Variants in PRPF40B observed in about 807,000 individuals in gnomAD.
PRPF40B encodes the protein pre-mRNA processing factor 40B.
PRPF40B carries 56 observed loss-of-function variants against 124.5 expected under a neutral mutation model. The ratio of observed to expected loss-of-function variants is 0.45; its 90% CI spans 0.36 to 0.56. The LOEUF (loss-of-function observed/expected upper bound fraction) is 0.56, where lower values mean the gene tolerates loss of function less well. Ranked by LOEUF, PRPF40B falls within the 20% of genes least tolerant of loss-of-function variation. PRPF40B has a pLI of 0.00. For synonymous variants in PRPF40B, 443 were observed against 426.4 expected (o/e 1.04, Z -0.48); for missense variants, 1,053 against 1,169.5 (o/e 0.90, Z 1.45).
rs777735176 is a variant in PRPF40B at position 49,636,741 on chromosome 12, C to T, written c.1452C>T (p.Ile484=). The T allele has an allele frequency of 1.2e-6, 2 of 1,614,088 alleles. No individual in the cohort carries two copies. Among genetic ancestry groups the T allele is most frequent in the Non-Finnish European group, 8.5e-7 (1 of 1,180,044 alleles). The change falls in exon 16 of 26, where the codon ATC becomes ATT. Residue 484 remains isoleucine (I), a synonymous_variant. Transcript: ENST00000548825. Reference sequence around the variant, plus strand: ...ACATGGACAAGGAAGATGCACTGATCTGTTTTGAGGAGCACATCCGAGCTT... The same window carrying T: ...ACATGGACAAGGAAGATGCACTGATTTGTTTTGAGGAGCACATCCGAGCTT... The part of the protein sequence containing the change: ...LQNMDKEDAL[I]CFEEHIRALE...
chr12:49,643,076 CT>C, intron 22 of PRPF40B, 60 bp downstream of exon 22: 1 of 1,593,002 alleles, frequency 6.3e-7, no homozygotes, highest in South Asian at 1.1e-5. Flanking sequence ...GAAATAAACA[CT>C]TTGTTTTCCC....
Position 49,623,590 on chromosome 12 carries a change from C to A in PRPF40B, c.-1C>A. 1 of 1,234,424 alleles carries A rather than the reference C, an allele frequency of 8.1e-7. No individual in the cohort carries two copies. The allele number at this position is 1,234,424 out of a possible 1,614,324, so 76.5% of individuals were successfully genotyped here. The stretch of plus-strand genomic sequence containing the variant: ...CGGCCCAGCTGCTCGGAGGCTCTGG[C>A]ATGGTAACATCCCCGCGCGGGGGTG... On this transcript the variant is annotated 5_prime_UTR_variant, in exon 1 of 26. Transcript: ENST00000548825.
Position 49,636,735 on chromosome 12 carries a change from A to G in PRPF40B, c.1446A>G (p.Ala482=), listed in dbSNP as rs758085600. ...HQLQNMDKED[A]LICFEEHIRA... ...CTTTAGACATGGACAAGGAAGATGCACTGATCTGTTTTGAGGAGCACATCC... is the reference window on the plus strand; with the variant it reads ...CTTTAGACATGGACAAGGAAGATGCGCTGATCTGTTTTGAGGAGCACATCC... Residue 482 remains alanine, a synonymous_variant, in exon 16 of 26, where the codon GCA becomes GCG. Transcript: ENST00000548825. 3.1e-6 allele frequency: 5 copies of G among 1,614,188 alleles called. No individual in the cohort carries two copies. Among genetic ancestry groups the G allele is most frequent in the South Asian group, 1.1e-5 (1 of 91,084 alleles).
At position 49,636,643 on chromosome 12, in the gene PRPF40B, A is replaced by C. The variant is rs573314221; in HGVS notation, c.1427-73A>C. 6 of 1,595,330 alleles carry C rather than the reference A, an allele frequency of 3.8e-6. No individual in the cohort carries two copies. In the African/African-American group the frequency reaches 6.7e-5, roughly 18 times the overall value. On this transcript the variant is annotated intron_variant, in intron 15 of 25. Coordinates refer to ENST00000548825, the MANE Select transcript of PRPF40B (RefSeq NM_001031698.3). ...GCACCTGTAGGACAGCATCGTTGAA[A>C]CATTAGGGGTGCTGGGGTCTGAGAG...
At chr12:49,641,734 T>C in intron 18 of PRPF40B, 174 bp from the exon 19 acceptor site, 1 of 600,266 alleles carries the variant, frequency 1.7e-6, no homozygotes, top group Non-Finnish European at 3.0e-6. Context: ...GCATGGGGGC[T>C]TAATTGTCAA....
intron 12 of PRPF40B, 96 bp downstream of exon 12, chr12:49,634,698 A>C: frequency 6.8e-7 from 1 of 1,480,526 alleles, no homozygotes; most frequent in Non-Finnish European, 9.3e-7. Context: ...CCCTAAGGGA[A>C]CCAGAGTCAG....
At chr12:49,640,771 G>T (rs1198504725) in intron 18 of PRPF40B, 1 of 152,188 alleles carries the variant, frequency 6.6e-6, no homozygotes, top group Non-Finnish European at 1.5e-5. Flanking sequence ...CATTTCAAGA[G>T]GTTTTGAAAC....
At position 49,636,842 on chromosome 12, in the gene PRPF40B, C is replaced by A; in HGVS notation, c.1553C>A (p.Ala518Asp). The stretch of plus-strand genomic sequence containing the variant: ...CGCCAACAACGCAAGAATCGGGAGG[C>A]CTTCCAGGTATCTTTGCTGTCCTTT... Reference protein sequence around the residue: ...ERRQQRKNREAFQTFLDELHE... With the variant: ...ERRQQRKNREDFQTFLDELHE... Residue 518 changes from alanine to aspartate, a missense_variant, in exon 16 of 26, where the codon GCC becomes GAC. Ala to Asp is a moderately radical substitution (Grantham distance 126, BLOSUM62 -2). Coordinates refer to ENST00000548825, the MANE Select transcript of PRPF40B (RefSeq NM_001031698.3). 1 of 1,613,894 alleles carries A rather than the reference C, an allele frequency of 6.2e-7. No homozygotes were observed. The highest frequency in any genetic ancestry group is 8.5e-7 in the Non-Finnish European group (1 of 1,180,006).
chr12:49,624,143 A>G (rs1228773071), intron 1 of PRPF40B: 2 of 985,586 alleles, frequency 2.0e-6, no homozygotes, highest in African/African-American at 1.7e-5. Flanking sequence ...CAGGCCATCA[A>G]CAAACTAACG....
At chr12:49,623,430 G>A (rs1216860831), upstream of PRPF40B, 2 of 616,982 alleles carry the variant, frequency 3.2e-6, no homozygotes, top group East Asian at 4.1e-5. Context: ...GAACACACCG[G>A]GCCGGTTGGG....
rs373955917 is a variant in PRPF40B, at chr12:49,624,489, C to T, written c.3+896C>T. 4.6e-5 allele frequency among the ~76,000 whole-genome samples: 7 copies of T among 152,242 alleles called. 1 individual carries two copies. The South Asian group carries it at 8.3e-4, about 18-fold the overall frequency. The stretch of plus-strand genomic sequence containing the variant: ...AGGAGGAGGTTGAAACCTAACTCCA[C>T]AATGATGGAGACCAAAAGTAACATT... On this transcript the variant is annotated intron_variant, in intron 1 of 25. Transcript: ENST00000548825.
chr12:49,644,267 C>T lies in PRPF40B; in HGVS notation c.*75C>T. On this transcript the variant is annotated 3_prime_UTR_variant, in exon 26 of 26. Transcript: ENST00000548825. Reference sequence around the variant, plus strand: ...GGCCACCCTCACCGTCTGCCTCAGACTTCTTCCTTAGTCTGGTCTGTGTCC... The same window carrying T: ...GGCCACCCTCACCGTCTGCCTCAGATTTCTTCCTTAGTCTGGTCTGTGTCC... 3.9e-6 allele frequency: 6 copies of T among 1,525,922 alleles called. No homozygotes were observed. The highest frequency in any genetic ancestry group is 4.5e-6 in the Non-Finnish European group (5 of 1,105,518). 94.5% of individuals were successfully genotyped at this position (1,525,922 alleles called of 1,614,324 possible).
chr12:49,639,740 T>C (rs1942345418), intron 18 of PRPF40B: 1 of 151,978 alleles, frequency 6.6e-6, no homozygotes, highest in Non-Finnish European at 1.5e-5. Flanking sequence ...GTAGAATTGA[T>C]AGATTTTGTG....
In PRPF40B at chr12:49,643,202, TG is replaced by T; in HGVS notation, c.2206-20del. 1 of 1,613,508 alleles carries T rather than the reference TG, an allele frequency of 6.2e-7. No individual in the cohort carries two copies. Among genetic ancestry groups the T allele is most frequent in the Non-Finnish European group, 8.5e-7 (1 of 1,179,816 alleles). ...AGGGCAGAGAACCTCTGCACTGACATGTATCTGCTGATCTGCCCAGGGCTCT... is the reference window on the plus strand; with the variant it reads ...AGGGCAGAGAACCTCTGCACTGACATTATCTGCTGATCTGCCCAGGGCTCT... On this transcript the variant is annotated intron_variant, in intron 22 of 25. Transcript: ENST00000548825.
Position 49,634,029 on chromosome 12 carries a change from T to C in PRPF40B, c.749T>C (p.Val250Ala), listed in dbSNP as rs773190145. 3.7e-6 allele frequency: 6 copies of C among 1,613,850 alleles called. No homozygotes were observed. In the East Asian group the frequency reaches 1.3e-4, roughly 36 times the overall value. Residue 250 changes from valine (V) to alanine (A), a missense_variant, in exon 10 of 26, where the codon GTG becomes GCG. Transcript: ENST00000548825. ...CCAGGTGGGAGTGAAGATTGTGATG[T>C]GTTGGAGGCCACCCAGCCCCTGGAA... is the stretch of plus-strand genomic sequence containing the variant. ...PEPGGSEDCD[V>A]LEATQPLEQG...
At position 49,631,474 on chromosome 12, in the gene PRPF40B, TC is replaced by T. The variant is rs780675733; in HGVS notation, c.165del (p.Met56CysfsTer29). ...LPPMSQRPPAIPPMPPGILPP... is the reference protein window; with the variant it reads ...LPPMSQRPPAXPPMPPGILPP... ...CCCATGAGTCAGAGACCACCAGCTATCCCCCCCATGCCACCTGGCATCCTGC... is the reference window on the plus strand; with the variant it reads ...CCCATGAGTCAGAGACCACCAGCTATCCCCCCATGCCACCTGGCATCCTGC... On this transcript the variant is annotated frameshift_variant, in exon 3 of 26. Coordinates refer to ENST00000548825, the MANE Select transcript of PRPF40B (RefSeq NM_001031698.3). LOFTEE classifies it high-confidence loss of function. This position sits in a 1 kb window ranked among gnomAD's most constrained non-coding sequence, Gnocchi z 4.3. The T allele has an allele frequency of 2.5e-5, 37 of 1,504,162 alleles. No homozygotes were observed. The highest frequency in any genetic ancestry group is 5.6e-5 in the South Asian group (4 of 71,764). 93.2% of individuals were successfully genotyped at this position (1,504,162 alleles called of 1,614,324 possible).
chr12:49,631,786 C>G lies in PRPF40B; in HGVS notation c.229-74C>G. ...TGGCTCCAGTGAGATGTCTCAGGAC[C>G]CTTTGAGGTACCCTGTCCCTCCTGT... On this transcript the variant is annotated intron_variant, in intron 3 of 25. Transcript: ENST00000548825. This position sits in a 1 kb window ranked among gnomAD's most constrained non-coding sequence, Gnocchi z 4.3. The G allele has an allele frequency of 6.9e-7, 1 of 1,452,488 alleles. No homozygotes were observed. The allele number at this position is 1,452,488 out of a possible 1,614,324, so 90.0% of individuals were successfully genotyped here.
upstream of PRPF40B, chr12:49,622,847 C>T (rs1326368388): frequency 6.6e-6 from 1 of 152,266 alleles, no homozygotes; most frequent in East Asian, 1.9e-4. Flanking sequence ...AGCCCCAAGG[C>T]CTTCAGCGCA....
chr12:49,644,207 C>G lies in PRPF40B; in HGVS notation c.*15C>G, dbSNP rs775173249. 3.7e-6 allele frequency: 6 copies of G among 1,613,740 alleles called. No individual in the cohort carries two copies. In the South Asian group the frequency reaches 5.5e-5, roughly 15 times the overall value. Reference sequence around the variant, plus strand: ...ATCACCAGTGACCCAATGAGCTGTTCTCTGCCTCGGGTCTGTGTGAGGCCA... The same window carrying G: ...ATCACCAGTGACCCAATGAGCTGTTGTCTGCCTCGGGTCTGTGTGAGGCCA... On this transcript the variant is annotated 3_prime_UTR_variant, in exon 26 of 26. Transcript: ENST00000548825.
Sources: allele counts gnomAD v4.1 joint callset (sites outside exome capture counted in the v4.1 genomes callset), GRCh38; gene constraint gnomAD v4.1.1; non-coding constraint Gnocchi (gnomAD v3.1); transcripts MANE v1.5; gene names NCBI Gene and HGNC (gene_info 2026-07-23, HGNC 2026-07-21).